The following HCN1 variants were observed in gnomAD, a reference collection of about 807,000 sequenced individuals.
HCN1 encodes potassium/sodium hyperpolarization-activated cyclic nucleotide-gated channel 1.
In HCN1, 13 loss-of-function variants were observed where a neutral mutation model predicts 78.9. The observed-to-expected ratio is 0.16, with a 90% CI of 0.11 to 0.26. HCN1 has a LOEUF of 0.26. Among genes scored for constraint, HCN1 ranks in the 10% least tolerant of loss-of-function variants. The pLI is 1.00. For missense variants in HCN1, 810 were observed against 1,154.3 expected (o/e 0.70, Z 4.32); for synonymous variants, 552 against 455.5 (o/e 1.21, Z -2.70).
In HCN1 at chr5:45,426,070, C is replaced by T. The variant is rs564886503; in HGVS notation, c.1012-29360G>A. Among the ~76,000 whole-genome samples the T allele has an allele frequency of 1.3e-4, 20 of 152,288 alleles. 1 individual carries two copies. Among genetic ancestry groups the T allele is most frequent in the African/African-American group, 4.8e-4 (20 of 41,558 alleles). ...TAAACAAGATTCTTCTATGCCGCCT[C>T]TCCTCTCTTAAAGTAGGGTTTCATC... On this transcript the variant is annotated intron_variant, in intron 3 of 7. Transcript: ENST00000303230.
chr5:45,356,011 G>A (rs1460121369), intron 4 of HCN1, among the ~76,000 whole-genome samples: 3 of 151,906 alleles, frequency 2.0e-5, no homozygotes, highest in Admixed American at 6.6e-5. Flanking sequence ...TTGCAAGAAT[G>A]TATGAAAATA....
intron 1 of HCN1, among the ~76,000 whole-genome samples, chr5:45,694,241 G>A (rs746053529): frequency 3.9e-5 from 6 of 151,938 alleles, no homozygotes; most frequent in Non-Finnish European, 5.9e-5. Flanking sequence ...GACTATAAAC[G>A]TCATTAGGTT....
intron 2 of HCN1, chr5:45,644,840 C>A (rs999373147): frequency 3.5e-6 from 1 of 289,272 alleles, no homozygotes. Flanking sequence ...ACATCTTTAT[C>A]AAAATAATGG....
At chr5:45,621,322 CT>C (rs1554036167) in intron 2 of HCN1, among the ~76,000 whole-genome samples, 2 of 60,592 alleles carry the variant, frequency 3.3e-5, no homozygotes, top group Non-Finnish European at 3.1e-5. Context: ...TTCCACCTTT[CT>C]TTTTTTTTTC....
chr5:45,377,505 C>T (rs1253378875), intron 4 of HCN1, among the ~76,000 whole-genome samples: 2 of 151,870 alleles, frequency 1.3e-5, no homozygotes, highest in Non-Finnish European at 2.9e-5. Context: ...CAATCACTTG[C>T]AACCTAATCT....
intron 2 of HCN1, among the ~76,000 whole-genome samples, chr5:45,500,871 G>A (rs1057023112): frequency 1.7e-4 from 26 of 152,154 alleles, no homozygotes; most frequent in African/African-American, 5.8e-4. Context: ...CAGCAAGGAA[G>A]TTTCTCCCCA....
At chr5:45,616,630 A>G (rs958919163) in intron 2 of HCN1, among the ~76,000 whole-genome samples, 1 of 152,044 alleles carries the variant, frequency 6.6e-6, no homozygotes, top group Non-Finnish European at 1.5e-5. Context: ...TTGCATTGAT[A>G]AAACCATAAT....
intron 6 of HCN1, among the ~76,000 whole-genome samples, chr5:45,289,797 T>C (rs1745335708): frequency 6.6e-6 from 1 of 152,072 alleles, no homozygotes; most frequent in Non-Finnish European, 1.5e-5. Context: ...AACAGAAATG[T>C]ATTCTTACAG....
rs184151413 is a variant in HCN1, at chr5:45,367,494, A to C, written c.1231-14248T>G. Among the ~76,000 whole-genome samples the C allele has an allele frequency of 2.6e-5, 4 of 151,912 alleles. No homozygotes were observed. The East Asian group carries it at 7.7e-4, about 29-fold the overall frequency. On this transcript the variant is annotated intron_variant, in intron 4 of 7. Coordinates refer to ENST00000303230, the MANE Select transcript of HCN1 (RefSeq NM_021072.4). The stretch of plus-strand genomic sequence containing the variant: ...TTGACACTGCTTTGAATTTGATAGC[A>C]ACTCAGGAAAGTAGCATAACCATGA...
At chr5:45,575,893 GA>G (rs1743932703) in intron 2 of HCN1, 2 of 151,996 alleles carry the variant, frequency 1.3e-5, no homozygotes, top group Non-Finnish European at 2.9e-5. Context: ...TATGATTTAA[GA>G]AATATATTTT....
intron 1 of HCN1, among the ~76,000 whole-genome samples, chr5:45,652,557 C>A (rs1437964018): frequency 6.6e-6 from 1 of 151,940 alleles, no homozygotes; most frequent in Non-Finnish European, 1.5e-5. Flanking sequence ...TCAAATCGAT[C>A]ACTAGCTTTA....
rs1328034943 is a variant in HCN1, at chr5:45,255,727, C to T, written c.*6194G>A. Reference sequence around the variant, plus strand: ...AACTCTTTTTGAATCTTTCAAATTTCTTTGGGTTATGTTCTTTCTTCCTTC... The same window carrying T: ...AACTCTTTTTGAATCTTTCAAATTTTTTTGGGTTATGTTCTTTCTTCCTTC... On this transcript the variant is annotated 3_prime_UTR_variant, in exon 8 of 8. Transcript: ENST00000303230. The T allele has an allele frequency of 2.6e-5, 4 of 152,160 alleles. No homozygotes were observed. Among genetic ancestry groups the T allele is most frequent in the Non-Finnish European group, 5.9e-5 (4 of 68,006 alleles). 9.4% of individuals were successfully genotyped at this position (152,160 alleles called of 1,614,324 possible). A position where few individuals can be genotyped will look rare whatever the true frequency, so the allele number is the denominator to read the frequency against.
intron 3 of HCN1, among the ~76,000 whole-genome samples, chr5:45,403,043 G>A (rs1371982680): frequency 6.6e-6 from 1 of 152,036 alleles, no homozygotes; most frequent in Non-Finnish European, 1.5e-5. Context: ...ACAGGCATAA[G>A]CCACTGTATC....
chr5:45,381,932 G>T (rs779399732), intron 4 of HCN1, among the ~76,000 whole-genome samples: 4 of 152,136 alleles, frequency 2.6e-5, no homozygotes, highest in Non-Finnish European at 5.9e-5. Flanking sequence ...ACAAGGAGAT[G>T]CCTCCTGATC....
chr5:45,401,096 C>T (rs1296749733), intron 3 of HCN1, among the ~76,000 whole-genome samples: 1 of 152,116 alleles, frequency 6.6e-6, no homozygotes, highest in Non-Finnish European at 1.5e-5. Context: ...TCTTTTCTTT[C>T]TGTCAGTAAC....
intron 4 of HCN1, among the ~76,000 whole-genome samples, chr5:45,364,092 G>A (rs1015308681): frequency 9.9e-5 from 15 of 152,032 alleles, no homozygotes; most frequent in Admixed American, 7.9e-4. Context: ...CTTTTCCTGT[G>A]TCTTCTCCAT....
chr5:45,661,161 C>T (rs1446063388), intron 1 of HCN1, among the ~76,000 whole-genome samples: 26 of 145,080 alleles, frequency 1.8e-4, no homozygotes, highest in African/African-American at 5.7e-4. Flanking sequence ...CACTCAAAGC[C>T]GCTCAACTAC....
intron 3 of HCN1, among the ~76,000 whole-genome samples, chr5:45,434,764 T>TAAG (rs1403157112): frequency 6.6e-6 from 1 of 152,192 alleles, no homozygotes; most frequent in Admixed American, 6.5e-5. Context: ...GAGAGTTTTA[T>TAAG]AAGTCTTACA....
intron 2 of HCN1, among the ~76,000 whole-genome samples, chr5:45,600,197 G>T (rs572268468): frequency 6.6e-6 from 1 of 150,696 alleles, no homozygotes; most frequent in Admixed American, 6.6e-5. Flanking sequence ...ACACACACAC[G>T]CACACACACA....
Sources: gnomAD v4.1 joint callset for allele counts (sites outside exome capture counted in the v4.1 genomes callset) on GRCh38, gnomAD v4.1.1 for gene constraint, MANE v1.5 for transcripts, NCBI Gene and HGNC (gene_info 2026-07-23, HGNC 2026-07-21) for gene names.